NFIB: variants seen among roughly 807,000 people sequenced by gnomAD.
NFIB encodes the protein nuclear factor I B.
Under a neutral mutation model 61.5 loss-of-function variants are expected in NFIB, and 11 were observed. The ratio of observed to expected loss-of-function variants is 0.18; its 90% confidence interval spans 0.11 to 0.30. The LOEUF is 0.30. NFIB is among the 10% of genes least tolerant of loss of function. The pLI, the probability that NFIB is intolerant of heterozygous loss-of-function variation, is 1.00. For missense variants in NFIB, 471 were observed against 608.9 expected, an observed-to-expected ratio of 0.77 and a Z score of 2.38; for synonymous variants, 260 against 216.5, an observed-to-expected ratio of 1.20 and a Z score of -1.76.
At chr9:14,156,741 G>T (rs1194567529) in intron 3 of NFIB, among the ~76,000 whole-genome samples, 2 of 152,260 alleles carry the variant, frequency 1.3e-5, no homozygotes, top group East Asian at 1.9e-4. Flanking sequence ...TATGTTAAGG[G>T]GGTGTAATGA....
chr9:14,274,758 A>G (rs1000150920), intron 2 of NFIB, among the ~76,000 whole-genome samples: 13 of 152,216 alleles, frequency 8.5e-5, no homozygotes, highest in African/African-American at 3.1e-4. Context: ...AATTAAAGAC[A>G]AAAGAATTAT....
At chr9:14,498,536 C>T in the NFIB span, among the ~76,000 whole-genome samples, 31 of 152,298 alleles carry the variant, frequency 2.0e-4, no homozygotes, top group African/African-American at 6.3e-4. Flanking sequence ...GAGATACACT[C>T]GAGAACAACA....
At chr9:14,165,766 T>C (rs956749319) in intron 3 of NFIB, among the ~76,000 whole-genome samples, 2 of 152,068 alleles carry the variant, frequency 1.3e-5, no homozygotes, top group Non-Finnish European at 2.9e-5. Context: ...AAAAGACAAA[T>C]ACTGTATAAT....
chr9:14,132,512 C>A (rs2040516677), intron 6 of NFIB, among the ~76,000 whole-genome samples: 1 of 152,072 alleles, frequency 6.6e-6, no homozygotes, highest in Non-Finnish European at 1.5e-5. Flanking sequence ...AAACAATTTA[C>A]AGGATTCCTC....
chr9:14,320,897 G>C (rs2060643508), intron 1 of NFIB, among the ~76,000 whole-genome samples: 1 of 152,092 alleles, frequency 6.6e-6, no homozygotes, highest in Non-Finnish European at 1.5e-5. Context: ...AGTTAATCTT[G>C]TGTATTTTGG....
intron 2 of NFIB, among the ~76,000 whole-genome samples, chr9:14,270,810 A>T (rs998878644): frequency 6.6e-6 from 1 of 152,138 alleles, no homozygotes; most frequent in Non-Finnish European, 1.5e-5. Flanking sequence ...AATTTGCACA[A>T]CCTAATTTAT....
At chr9:14,212,637 GAA>G (rs35209592) in intron 2 of NFIB, among the ~76,000 whole-genome samples, 36,481 of 145,516 alleles carry the variant, frequency 0.25, 6,946 homozygotes, top group African/African-American at 0.52. Flanking sequence ...ATTCCTCTGG[GAA>G]AAAAAAAAAA....
At chr9:14,233,250 T>C (rs1179646092) in intron 2 of NFIB, among the ~76,000 whole-genome samples, 5 of 152,140 alleles carry the variant, frequency 3.3e-5, no homozygotes, top group African/African-American at 1.2e-4. Flanking sequence ...ATGTAAGTAA[T>C]AGTTAAACTA....
Position 14,084,732 on chromosome 9 carries a change from G to T in NFIB, c.*3577C>A. 4.4e-6 allele frequency: 1 copy of T among 229,598 alleles called. No individual in the cohort carries two copies. The highest frequency in any genetic ancestry group is 8.6e-6 in the Non-Finnish European group (1 of 115,758). The allele number at this position is 229,598 out of a possible 1,614,324, so 14.2% of individuals were successfully genotyped here. A position where few individuals can be genotyped will look rare whatever the true frequency, so the allele number is the denominator to read the frequency against. ...GGTAAGGGAGGGGCGTGCAAGACCT[G>T]CAAAAGTGGGGCCCTTCGTCAGAAT... On this transcript the variant is annotated 3_prime_UTR_variant, in exon 11 of 11. Coordinates refer to ENST00000380953, the MANE Select transcript of NFIB (RefSeq NM_001190737.2).
intron 1 of NFIB, among the ~76,000 whole-genome samples, chr9:14,342,935 T>C (rs901297026): frequency 3.3e-5 from 5 of 152,094 alleles, no homozygotes; most frequent in Non-Finnish European, 7.4e-5. Context: ...GAGTTGCCCC[T>C]TATGTTGTTT....
the NFIB span, among the ~76,000 whole-genome samples, chr9:14,493,357 C>T: frequency 6.6e-6 from 1 of 151,908 alleles, no homozygotes; most frequent in Non-Finnish European, 1.5e-5. Flanking sequence ...GTAATTGAGG[C>T]AGAAGCATTT....
the NFIB span, among the ~76,000 whole-genome samples, chr9:14,460,963 C>T: frequency 2.6e-5 from 4 of 151,986 alleles, no homozygotes; most frequent in Admixed American, 2.0e-4. Flanking sequence ...GAACTTTATA[C>T]GTCTCTGTTT....
intron 4 of NFIB, among the ~76,000 whole-genome samples, chr9:14,154,672 G>A (rs1439494546): frequency 6.6e-6 from 1 of 152,066 alleles, no homozygotes; most frequent in African/African-American, 2.4e-5. Flanking sequence ...AGTCTTTTGG[G>A]CATACATTTA....
chr9:14,424,759 G>C, the NFIB span, among the ~76,000 whole-genome samples: 1 of 152,168 alleles, frequency 6.6e-6, no homozygotes, highest in Non-Finnish European at 1.5e-5. Flanking sequence ...GGCGAAACAG[G>C]CTCTATGGAG....
chr9:14,131,802 G>A (rs191552286), intron 6 of NFIB, among the ~76,000 whole-genome samples: 17 of 152,156 alleles, frequency 1.1e-4, no homozygotes, highest in Non-Finnish European at 2.2e-4. Context: ...AGTCGCTCCC[G>A]GGATAAATGT....
At chr9:14,482,000 C>T in the NFIB span, among the ~76,000 whole-genome samples, 2 of 151,994 alleles carry the variant, frequency 1.3e-5, no homozygotes, top group East Asian at 3.9e-4. Flanking sequence ...AGTTATTTAC[C>T]TTCAGTGACT....
In NFIB at chr9:14,313,910, T is replaced by G. The variant is rs1394293566; in HGVS notation, c.-399A>C. 4.2e-5 allele frequency: 41 copies of G among 975,024 alleles called. No homozygotes were observed. In the African/African-American group the frequency reaches 8.2e-4, roughly 19 times the overall value. 60.4% of individuals were successfully genotyped at this position (975,024 alleles called of 1,614,324 possible). A position where few individuals can be genotyped will look rare whatever the true frequency, so the allele number is the denominator to read the frequency against. On this transcript the variant is annotated 5_prime_UTR_variant, in exon 1 of 11. Coordinates refer to ENST00000380953, the MANE Select transcript of NFIB (RefSeq NM_001190737.2). This position sits in a 1 kb window ranked among gnomAD's most constrained non-coding sequence, Gnocchi z 4.5. ...AGGTTCGGTGTGGGTTGGATTGGGGTGGTGGTTGGTGGTAAAATGCTTTTT... is the reference window on the plus strand; with the variant it reads ...AGGTTCGGTGTGGGTTGGATTGGGGGGGTGGTTGGTGGTAAAATGCTTTTT...
At chr9:14,125,499 T>A (rs921346075) in intron 7 of NFIB, 133 bp downstream of exon 7, 1 of 1,241,490 alleles carries the variant, frequency 8.1e-7, no homozygotes, top group Non-Finnish European at 1.1e-6. Flanking sequence ...CTTGATCGGA[T>A]TGTGCCCCTC....
chr9:14,400,301 T>C (rs888279265), upstream of NFIB, among the ~76,000 whole-genome samples: 1 of 152,198 alleles, frequency 6.6e-6, no homozygotes, highest in Non-Finnish European at 1.5e-5. Flanking sequence ...TAAAAATATG[T>C]GCATTCAGAA....
Sources: gnomAD v4.1 joint callset for allele counts (sites outside exome capture counted in the v4.1 genomes callset) on GRCh38, gnomAD v4.1.1 for gene constraint, Gnocchi (gnomAD v3.1) non-coding constraint, MANE v1.5 for transcripts, NCBI Gene and HGNC (gene_info 2026-07-23, HGNC 2026-07-21) for gene names.